PTPN3: variants seen among roughly 807,000 people sequenced by gnomAD.
The protein encoded by PTPN3 is tyrosine-protein phosphatase non-receptor type 3.
A neutral mutation model predicts 132.7 loss-of-function variants in PTPN3; 96 were observed. That is an observed-to-expected ratio of 0.72 (90% CI 0.61 to 0.86). The LOEUF is 0.86. Ranked by LOEUF, PTPN3 falls within the 40% of genes least tolerant of loss-of-function variation. PTPN3 has a pLI of 0.00. For synonymous variants in PTPN3, 398 were observed against 429.0 expected (o/e 0.93, Z 0.89); for missense variants, 1,125 against 1,159.6 (o/e 0.97, Z 0.43).
At chr9:109,412,071 C>T (rs1842113879) in intron 14 of PTPN3, among the ~76,000 whole-genome samples, 1 of 152,202 alleles carries the variant, frequency 6.6e-6, no homozygotes, top group Admixed American at 6.5e-5. Flanking sequence ...TTTACAAGAG[C>T]ATCACCCAGT....
rs1031861146 is a variant in PTPN3, at chr9:109,420,533, C to T, written c.1204G>A (p.Glu402Lys). The part of the protein sequence containing the change: ...RHSSADNLAN[E>K]MTYITETEDV... ...TCCGTTTCCGTGATGTAGGTCATTT[C>T]ATTTGCAAGGTTATCTGCAGAAGAG... The change falls in exon 14 of 26, where the codon GAA becomes AAA. Residue 402 changes from glutamate (E) to lysine (K), a missense_variant. By Grantham distance (56) the Glu-to-Lys change is moderately conservative (BLOSUM62 1). Transcript: ENST00000374541. 3 of 1,613,274 alleles carry T rather than the reference C, an allele frequency of 1.9e-6. No homozygotes were observed. Among genetic ancestry groups the T allele is most frequent in the Non-Finnish European group, 2.5e-6 (3 of 1,179,944 alleles).
At chr9:109,408,282 A>G (rs1028865928) in intron 17 of PTPN3, 39 bp downstream of exon 17, 20 of 1,479,102 alleles carry the variant, frequency 1.4e-5, no homozygotes, top group Non-Finnish European at 1.8e-5. Flanking sequence ...AGGGGGAAAC[A>G]AACAAACACG....
intron 19 of PTPN3, among the ~76,000 whole-genome samples, chr9:109,396,878 C>T (rs188202321): frequency 6.6e-6 from 1 of 152,326 alleles, no homozygotes; most frequent in Non-Finnish European, 1.5e-5. Flanking sequence ...ACTCTAATCT[C>T]CTCACTCAAC....
chr9:109,438,751 T>TC (rs1255050966), intron 7 of PTPN3, among the ~76,000 whole-genome samples: 1 of 152,012 alleles, frequency 6.6e-6, no homozygotes, highest in Non-Finnish European at 1.5e-5. Context: ...TCCTGACCCA[T>TC]CCCCTGGGAT....
chr9:109,432,965 T>A (rs1272608077), intron 10 of PTPN3, 108 bp downstream of exon 10: 1 of 1,475,212 alleles, frequency 6.8e-7, no homozygotes, highest in Non-Finnish European at 9.0e-7. Flanking sequence ...GGAGGCACTC[T>A]CTATCTTTTC....
intron 19 of PTPN3, among the ~76,000 whole-genome samples, chr9:109,401,368 C>T (rs759269805): frequency 1.6e-4 from 25 of 152,122 alleles, no homozygotes; most frequent in Non-Finnish European, 2.5e-4. Flanking sequence ...TAGCTGTGGG[C>T]GGGGCCTTGA....
intron 11 of PTPN3, among the ~76,000 whole-genome samples, chr9:109,427,992 G>A (rs540591022): frequency 1.2e-4 from 19 of 152,282 alleles, no homozygotes; most frequent in African/African-American, 4.3e-4. Flanking sequence ...TCTCTGTATG[G>A]ATGAGCAAAT....
chr9:109,464,075 A>G (rs549377564), intron 1 of PTPN3, among the ~76,000 whole-genome samples: 17 of 152,316 alleles, frequency 1.1e-4, no homozygotes, highest in African/African-American at 4.1e-4. Context: ...TTAAACCCAC[A>G]AAGCAATAGT....
chr9:109,533,471 G>A, the PTPN3 span: 28 of 1,572,294 alleles, frequency 1.8e-5, no homozygotes, highest in East Asian at 4.5e-4. Context: ...GTGTGTCTGC[G>A]TCGGTAAGTT....
chr9:109,496,759 G>A (rs1847685209), intron 1 of PTPN3, among the ~76,000 whole-genome samples: 1 of 152,184 alleles, frequency 6.6e-6, no homozygotes, highest in Non-Finnish European at 1.5e-5. Flanking sequence ...AATACTGGAG[G>A]CATTTTTGAT....
chr9:109,485,514 A>T (rs1332496019), intron 1 of PTPN3, among the ~76,000 whole-genome samples: 2 of 152,120 alleles, frequency 1.3e-5, no homozygotes, highest in East Asian at 3.9e-4. Context: ...TCTCAAGAAA[A>T]AAATAAATAA....
chr9:109,382,411 C>T lies in PTPN3; in HGVS notation c.2419G>A (p.Val807Ile), dbSNP rs750732370. The T allele has an allele frequency of 3.9e-5, 63 of 1,614,102 alleles. No individual in the cohort carries two copies. Among genetic ancestry groups the T allele is most frequent in the East Asian group, 6.7e-5 (3 of 44,896 alleles). ...GGCACACCGTGGTCAGGCCATGCGA[C>T]GTACTGGAGATGTGTCACTGTGTGT... ...EEHTVTHLQY[V>I]AWPDHGVPDD... Residue 807 changes from valine to isoleucine, a missense_variant, in exon 24 of 26, where the codon GTC (valine) becomes ATC (isoleucine). Val to Ile is a conservative substitution (Grantham distance 29). Coordinates refer to ENST00000374541, the MANE Select transcript of PTPN3 (RefSeq NM_002829.4).
At chr9:109,464,819 A>C (rs1429896031) in intron 1 of PTPN3, among the ~76,000 whole-genome samples, 2 of 152,264 alleles carry the variant, frequency 1.3e-5, no homozygotes, top group East Asian at 3.8e-4. Context: ...GATATGAGAC[A>C]CAACAGATTA....
intron 7 of PTPN3, among the ~76,000 whole-genome samples, chr9:109,444,639 C>T (rs145913581): frequency 5.9e-5 from 9 of 152,064 alleles, no homozygotes; most frequent in Admixed American, 1.3e-4. Context: ...CCTCCTGTTT[C>T]GTTTTACCTT....
intron 10 of PTPN3, among the ~76,000 whole-genome samples, chr9:109,430,881 C>T (rs1843615886): frequency 6.6e-6 from 1 of 152,234 alleles, no homozygotes; most frequent in Admixed American, 6.5e-5. Context: ...TAGCTGGGTT[C>T]TCTCTTGTCT....
intron 2 of PTPN3, among the ~76,000 whole-genome samples, chr9:109,462,430 CT>C (rs1845889899): frequency 6.6e-6 from 1 of 152,202 alleles, no homozygotes; most frequent in African/African-American, 2.4e-5. Flanking sequence ...TTCTTGTGGC[CT>C]TTTATTGTTC....
At chr9:109,437,697 A>G (rs934313553) in intron 8 of PTPN3, among the ~76,000 whole-genome samples, 2 of 152,224 alleles carry the variant, frequency 1.3e-5, no homozygotes, top group African/African-American at 2.4e-5. Context: ...TGAACTGAAC[A>G]CAGGAGACTG....
intron 14 of PTPN3, among the ~76,000 whole-genome samples, 157 bp downstream of exon 14, chr9:109,420,265 TAG>T (rs747020213): frequency 6.6e-6 from 1 of 152,110 alleles, no homozygotes; most frequent in East Asian, 1.9e-4. Flanking sequence ...GGTGAAAAGG[TAG>T]AGTCTGATTT....
chr9:109,521,612 C>T, the PTPN3 span, among the ~76,000 whole-genome samples: 5 of 152,166 alleles, frequency 3.3e-5, no homozygotes, highest in African/African-American at 1.2e-4. Flanking sequence ...CTCTGATTCC[C>T]ACTTGTCTGA....
Sources: allele counts gnomAD v4.1 joint callset (sites outside exome capture counted in the v4.1 genomes callset), GRCh38; gene constraint gnomAD v4.1.1; transcripts MANE v1.5; gene names NCBI Gene and HGNC (gene_info 2026-07-23, HGNC 2026-07-21).